KCNIP4: variants seen among roughly 807,000 people sequenced by gnomAD.
The protein encoded by KCNIP4 is Kv channel-interacting protein 4.
In KCNIP4, 12 loss-of-function variants were observed where a neutral mutation model predicts 34.0. The ratio of observed to expected loss-of-function variants is 0.35; its 90% CI spans 0.23 to 0.57. The LOEUF (loss-of-function observed/expected upper bound fraction) is 0.57, where lower values mean the gene tolerates loss of function less well. Among genes scored for constraint, KCNIP4 ranks in the 20% least tolerant of loss-of-function variants. The pLI, the probability that KCNIP4 is intolerant of heterozygous loss-of-function variation, is 0.83. For missense variants in KCNIP4, 238 were observed against 311.7 expected, an observed-to-expected ratio of 0.76 and a Z score of 1.78; for synonymous variants, 124 against 102.2, an observed-to-expected ratio of 1.21 and a Z score of -1.29.
At chr4:21,578,479 A>G (rs1374626922) in intron 1 of KCNIP4, among the ~76,000 whole-genome samples, 1 of 151,932 alleles carries the variant, frequency 6.6e-6, no homozygotes, top group Non-Finnish European at 1.5e-5. Flanking sequence ...ATGACAAAAC[A>G]TGGGCATTAA....
chr4:21,270,855 G>A (rs1015455811), intron 1 of KCNIP4, among the ~76,000 whole-genome samples: 1 of 151,942 alleles, frequency 6.6e-6, no homozygotes, highest in Non-Finnish European at 1.5e-5. Context: ...GGAATGTGGT[G>A]TGCACCTATA....
intron 1 of KCNIP4, among the ~76,000 whole-genome samples, chr4:21,004,190 A>G (rs116673234): frequency 1.4e-3 from 210 of 152,340 alleles, no homozygotes; most frequent in African/African-American, 4.7e-3. Flanking sequence ...GGCTTATAAT[A>G]TTCCAGGCAG....
At chr4:21,375,638 C>T (rs200674744) in intron 1 of KCNIP4, among the ~76,000 whole-genome samples, 1 of 150,978 alleles carries the variant, frequency 6.6e-6, no homozygotes, top group Non-Finnish European at 1.5e-5. Flanking sequence ...GCGATCTCTG[C>T]TCACTGCAAG....
chr4:21,921,694 C>T (rs2108996061), intron 1 of KCNIP4, among the ~76,000 whole-genome samples: 1 of 152,230 alleles, frequency 6.6e-6, no homozygotes, highest in Admixed American at 6.5e-5. Context: ...TCTGCTTACT[C>T]TACCTGCACA....
intron 1 of KCNIP4, among the ~76,000 whole-genome samples, chr4:20,939,843 A>C (rs1339589392): frequency 6.6e-6 from 1 of 152,180 alleles, no homozygotes; most frequent in Non-Finnish European, 1.5e-5. Flanking sequence ...ATATGTATAG[A>C]ATCTGATGTT....
intron 1 of KCNIP4, among the ~76,000 whole-genome samples, chr4:21,632,584 T>C (rs1745843967): frequency 6.6e-6 from 1 of 152,154 alleles, no homozygotes; most frequent in Admixed American, 6.5e-5. Flanking sequence ...TTATTGAAAG[T>C]AAATAGAATC....
rs537484535 is a variant in KCNIP4 at position 21,598,185 on chromosome 4, C to A, written c.61+350386G>T. On this transcript the variant is annotated intron_variant, in intron 1 of 8. Transcript: ENST00000382152. ...CAGTGTTGCAAGTACTTACTACATG[C>A]AACAATTTTGTAAGATTGATTTTAT... is the stretch of plus-strand genomic sequence containing the variant. 2.0e-5 allele frequency among the ~76,000 whole-genome samples: 3 copies of A among 152,144 alleles called. No individual in the cohort carries two copies. In the East Asian group the frequency reaches 5.8e-4, roughly 29 times the overall value.
chr4:21,412,760 G>A (rs1724616136), intron 1 of KCNIP4, among the ~76,000 whole-genome samples: 1 of 152,144 alleles, frequency 6.6e-6, no homozygotes, highest in Non-Finnish European at 1.5e-5. Flanking sequence ...TTCCACAATG[G>A]TGCATGTCTT....
intron 1 of KCNIP4, among the ~76,000 whole-genome samples, chr4:20,895,001 T>C (rs1726348765): frequency 6.6e-6 from 1 of 152,214 alleles, no homozygotes; most frequent in Admixed American, 6.5e-5. Flanking sequence ...AGCCAAATTA[T>C]AGCAGAGGAA....
chr4:21,354,514 T>C (rs1006568606), intron 1 of KCNIP4, among the ~76,000 whole-genome samples: 20 of 152,002 alleles, frequency 1.3e-4, no homozygotes, highest in Non-Finnish European at 2.6e-4. Flanking sequence ...TCTGATAAAA[T>C]AGGCTTTAAA....
chr4:21,618,560 G>GTC (rs34578063), intron 1 of KCNIP4, among the ~76,000 whole-genome samples: 30,423 of 141,054 alleles, frequency 0.22, 3,654 homozygotes, highest in Non-Finnish European at 0.29. Flanking sequence ...TCTTTTTCTG[G>GTC]TCTCTCTCTC....
chr4:20,794,818 A>C (rs1192746672), intron 3 of KCNIP4, among the ~76,000 whole-genome samples: 2 of 152,212 alleles, frequency 1.3e-5, no homozygotes, highest in South Asian at 4.1e-4. Flanking sequence ...ACATGATCTA[A>C]CAACACAACA....
chr4:21,333,167 GCTT>G (rs1308556900), intron 1 of KCNIP4, among the ~76,000 whole-genome samples: 2 of 151,944 alleles, frequency 1.3e-5, no homozygotes, highest in Non-Finnish European at 2.9e-5. Context: ...TAATTTGATT[GCTT>G]CTTAATTCTC....
At chr4:21,529,791 A>G (rs982240176) in intron 1 of KCNIP4, among the ~76,000 whole-genome samples, 9 of 152,184 alleles carry the variant, frequency 5.9e-5, no homozygotes, top group African/African-American at 2.2e-4. Context: ...ATACAAGTGT[A>G]CTATTGCTTT....
At chr4:21,139,789 C>T (rs192824817) in intron 1 of KCNIP4, among the ~76,000 whole-genome samples, 4 of 152,268 alleles carry the variant, frequency 2.6e-5, no homozygotes, top group Admixed American at 2.6e-4. Flanking sequence ...AATAAATATC[C>T]TACACACTAA....
At chr4:21,558,370 T>C (rs1739243704) in intron 1 of KCNIP4, among the ~76,000 whole-genome samples, 1 of 152,032 alleles carries the variant, frequency 6.6e-6, no homozygotes, top group South Asian at 2.1e-4. Flanking sequence ...CGTATGCCTA[T>C]AATCCCAGCT....
intron 1 of KCNIP4, among the ~76,000 whole-genome samples, chr4:21,378,385 T>G (rs1447211134): frequency 6.6e-6 from 1 of 152,216 alleles, no homozygotes; most frequent in African/African-American, 2.4e-5. Context: ...TTTTCTTCTT[T>G]TTTGCTGCAC....
In KCNIP4 at chr4:20,796,870, G is replaced by A. The variant is rs140517347; in HGVS notation, c.289-37980C>T. On this transcript the variant is annotated intron_variant, in intron 3 of 8. Transcript: ENST00000382152. ...TCAATAATTAGCTGTTATAATATCC[G>A]TGTTCAAAAACACAGCACTCAGTGC... 7.7e-3 allele frequency among the ~76,000 whole-genome samples: 1,165 copies of A among 152,178 alleles called. 16 individuals carry two copies. The highest frequency in any genetic ancestry group is 0.037 in the Middle Eastern group (11 of 294).
chr4:21,891,275 A>G (rs1361978805), intron 1 of KCNIP4, among the ~76,000 whole-genome samples: 1 of 152,140 alleles, frequency 6.6e-6, no homozygotes, highest in East Asian at 1.9e-4. Context: ...TACATCTGCC[A>G]TACAACTTGC....
Sources: allele counts gnomAD v4.1 joint callset (sites outside exome capture counted in the v4.1 genomes callset), GRCh38; gene constraint gnomAD v4.1.1; transcripts MANE v1.5; gene names NCBI Gene and HGNC (gene_info 2026-07-23, HGNC 2026-07-21).